Variants in DOK5 observed in about 807,000 individuals in gnomAD.
DOK5 encodes the protein docking protein 5.
DOK5 carries 27 observed loss-of-function variants against 43.3 expected under a neutral mutation model. The ratio of observed to expected loss-of-function variants is 0.62; its 90% CI spans 0.46 to 0.86. DOK5 has a LOEUF of 0.86. Ranked by LOEUF, DOK5 falls within the 40% of genes least tolerant of loss-of-function variation. The pLI, the probability that DOK5 is intolerant of heterozygous loss-of-function variation, is 0.00. For missense variants in DOK5, 373 were observed against 392.9 expected, an observed-to-expected ratio of 0.95 and a Z score of 0.43; for synonymous variants, 146 against 140.1, an observed-to-expected ratio of 1.04 and a Z score of -0.30.
intron 2 of DOK5, among the ~76,000 whole-genome samples, chr20:54,557,638 C>T (rs539916331): frequency 3.0e-4 from 45 of 152,292 alleles, no homozygotes; most frequent in Non-Finnish European, 4.6e-4. Context: ...TCCTCTCTTT[C>T]CTTGGAAGAT....
chr20:54,582,361 G>A (rs965787525), intron 2 of DOK5, among the ~76,000 whole-genome samples: 1 of 151,714 alleles, frequency 6.6e-6, no homozygotes, highest in African/African-American at 2.4e-5. Flanking sequence ...TCACAGTAAT[G>A]TTGGTCTCAC....
At chr20:54,571,409 A>G (rs922421039) in intron 2 of DOK5, among the ~76,000 whole-genome samples, 13 of 152,072 alleles carry the variant, frequency 8.5e-5, no homozygotes, top group Non-Finnish European at 1.5e-4. Flanking sequence ...GAGAGATTCC[A>G]TTTGAGTGGT....
chr20:54,510,517 C>A lies in DOK5; in HGVS notation c.66+34505C>A, dbSNP rs184888135. 2.0e-5 allele frequency among the ~76,000 whole-genome samples: 3 copies of A among 152,232 alleles called. No individual in the cohort carries two copies. The East Asian group carries it at 5.8e-4, about 29-fold the overall frequency. The stretch of plus-strand genomic sequence containing the variant: ...CCAGGCATGTATACTCAGAAAATTA[C>A]TTTACATAATAATGACTAACTGGAA... On this transcript the variant is annotated intron_variant, in intron 1 of 7. Coordinates refer to ENST00000262593, the MANE Select transcript of DOK5 (RefSeq NM_018431.5).
At chr20:54,647,302 C>T (rs990890876) in intron 7 of DOK5, among the ~76,000 whole-genome samples, 2 of 151,964 alleles carry the variant, frequency 1.3e-5, no homozygotes, top group Non-Finnish European at 2.9e-5. Context: ...ATCTCGAGTT[C>T]AAGACAAGCT....
chr20:54,522,492 A>C (rs552848704), intron 1 of DOK5, among the ~76,000 whole-genome samples: 3 of 151,856 alleles, frequency 2.0e-5, no homozygotes, highest in African/African-American at 4.8e-5. Flanking sequence ...AGAGAAAACA[A>C]AGTTGTTTTC....
At chr20:54,504,222 C>CCCTT (rs1982723740) in intron 1 of DOK5, among the ~76,000 whole-genome samples, 1 of 152,130 alleles carries the variant, frequency 6.6e-6, no homozygotes, top group African/African-American at 2.4e-5. Context: ...AATAAGGCTA[C>CCCTT]CTTTGTCCAC....
intron 1 of DOK5, among the ~76,000 whole-genome samples, chr20:54,496,206 G>T (rs1364733276): frequency 2.0e-5 from 3 of 152,192 alleles, no homozygotes. Context: ...TTAAGGTCAT[G>T]CATTCTAGGG....
chr20:54,564,897 A>G (rs1460297317), intron 2 of DOK5, among the ~76,000 whole-genome samples: 1 of 152,094 alleles, frequency 6.6e-6, no homozygotes, highest in African/African-American at 2.4e-5. Flanking sequence ...GCTCCAGCAC[A>G]TTTCTCCGAC....
chr20:54,591,225 G>T (rs1420123449), intron 4 of DOK5, among the ~76,000 whole-genome samples: 1 of 152,116 alleles, frequency 6.6e-6, no homozygotes, highest in Non-Finnish European at 1.5e-5. Flanking sequence ...TTTTGCACCT[G>T]CATCTTTTGT....
rs1600657784 is a variant in DOK5 at position 54,491,175 on chromosome 20, T to C, written c.66+15163T>C. Among the ~76,000 whole-genome samples, 2 of 152,366 alleles carry C rather than the reference T, an allele frequency of 1.3e-5. 1 individual carries two copies. The highest frequency in any genetic ancestry group is 3.9e-4 in the East Asian group (2 of 5,192). On this transcript the variant is annotated intron_variant, in intron 1 of 7. Transcript: ENST00000262593. ...TGATTTCTTAAATTATTCATTTCTT[T>C]GTTGCTTGTTTCTTCTAGTAACCAC...
At chr20:54,600,229 G>A (rs537081318) in intron 5 of DOK5, among the ~76,000 whole-genome samples, 2 of 152,188 alleles carry the variant, frequency 1.3e-5, no homozygotes, top group Non-Finnish European at 2.9e-5. Flanking sequence ...GAGATGCAGC[G>A]GGGTCAGGCC....
chr20:54,574,021 C>A (rs987310796), intron 2 of DOK5, among the ~76,000 whole-genome samples: 5 of 152,184 alleles, frequency 3.3e-5, no homozygotes, highest in Non-Finnish European at 7.3e-5. Context: ...CCAACATAAT[C>A]ACATGCTGGA....
At chr20:54,494,685 A>G (rs1600660839) in intron 1 of DOK5, 1 of 152,086 alleles carries the variant, frequency 6.6e-6, no homozygotes, top group African/African-American at 2.4e-5. Context: ...TTTATTTATT[A>G]TGTTGTTAAA....
At chr20:54,505,374 G>A (rs759167955) in intron 1 of DOK5, among the ~76,000 whole-genome samples, 3 of 151,988 alleles carry the variant, frequency 2.0e-5, no homozygotes, top group Non-Finnish European at 4.4e-5. Flanking sequence ...GAGACCCTGT[G>A]GCTCACAAAG....
rs1336636884 is a variant in DOK5 at position 54,480,944 on chromosome 20, T to TATCTATC, written c.66+4940_66+4946dup. ...ATCTATCAATCATCTATCATCTATC[T>TATCTATC]ATCTATCATCTATCTATCATCTATC... On this transcript the variant is annotated intron_variant, in intron 1 of 7. Transcript: ENST00000262593. 2.2e-3 allele frequency among the ~76,000 whole-genome samples: 311 copies of TATCTATC among 140,686 alleles called. 1 individual carries two copies. The highest frequency in any genetic ancestry group is 8.7e-3 in the African/African-American group (289 of 33,346). The allele number at this position is 140,686 out of a possible 152,430, so 92.3% of individuals were successfully genotyped here. A position where few individuals can be genotyped will look rare whatever the true frequency, so the allele number is the denominator to read the frequency against.
intron 6 of DOK5, among the ~76,000 whole-genome samples, chr20:54,624,490 C>G (rs1002228995): frequency 5.3e-5 from 8 of 152,036 alleles, no homozygotes; most frequent in African/African-American, 1.9e-4. Flanking sequence ...AAATAGGGAT[C>G]AAATAAGTTA....
intron 1 of DOK5, among the ~76,000 whole-genome samples, chr20:54,492,229 A>G (rs1421665015): frequency 6.6e-6 from 1 of 152,168 alleles, no homozygotes; most frequent in African/African-American, 2.4e-5. Context: ...CATTCTTAGC[A>G]GATTCTTGTA....
At chr20:54,482,214 A>T (rs902828512) in intron 1 of DOK5, among the ~76,000 whole-genome samples, 1 of 152,214 alleles carries the variant, frequency 6.6e-6, no homozygotes, top group Admixed American at 6.5e-5. Context: ...ATTCGAGTGA[A>T]TTCACTGGAC....
intron 6 of DOK5, among the ~76,000 whole-genome samples, chr20:54,617,956 C>G (rs1466874402): frequency 6.6e-6 from 1 of 152,202 alleles, no homozygotes; most frequent in African/African-American, 2.4e-5. Flanking sequence ...CACAATAACT[C>G]TGAGGTAGAT....
Sources: allele counts gnomAD v4.1 joint callset (sites outside exome capture counted in the v4.1 genomes callset), GRCh38; gene constraint gnomAD v4.1.1; transcripts MANE v1.5; gene names NCBI Gene and HGNC (gene_info 2026-07-23, HGNC 2026-07-21).